Variants in TMEM26 observed in about 807,000 individuals in gnomAD.
TMEM26 encodes the protein transmembrane protein 26.
In TMEM26, 38 loss-of-function variants were observed where a neutral mutation model predicts 28.8. The ratio of observed to expected loss-of-function variants is 1.32; its 90% confidence interval spans 1.02 to 1.73. The LOEUF (loss-of-function observed/expected upper bound fraction) is 1.73. Among genes scored for constraint, TMEM26 ranks in the 40% most tolerant of loss-of-function variants. The pLI is 0.00. For synonymous variants in TMEM26, 227 were observed against 182.9 expected, an observed-to-expected ratio of 1.24 and a Z score of -1.95; for missense variants, 518 against 447.1, an observed-to-expected ratio of 1.16 and a Z score of -1.43.
rs1053934023 is a variant in TMEM26 at position 61,420,139 on chromosome 10, A to T, written c.606-6604T>A. 3.7e-3 allele frequency among the ~76,000 whole-genome samples: 567 copies of T among 152,326 alleles called. 3 individuals carry two copies. The highest frequency in any genetic ancestry group is 0.013 in the African/African-American group (543 of 41,584). ...AATTAACACATATTTTGTATGTTAT[A>T]TGTATTACACACTTTATTTTTATAA... On this transcript the variant is annotated intron_variant, in intron 4 of 5. Coordinates refer to ENST00000399298, the MANE Select transcript of TMEM26 (RefSeq NM_178505.8).
At position 61,436,197 on chromosome 10, in the gene TMEM26, C is replaced by A. The variant is rs775053970; in HGVS notation, c.243G>T (p.Trp81Cys). 4 of 1,609,054 alleles carry A rather than the reference C, an allele frequency of 2.5e-6. No individual in the cohort carries two copies. Among genetic ancestry groups the A allele is most frequent in the African/African-American group, 1.3e-5 (1 of 74,454 alleles). The change falls in exon 2 of 6, where the codon TGG becomes TGT. Residue 81 changes from tryptophan to cysteine, a missense_variant. Transcript: ENST00000399298. ...GGGTCTCATGGTGCAATTCAAGAAG[C>A]CATAATGATGGAACGATGCTAATCA... ...LYLISIVPSLWLLELHHETQY... is the reference protein window; with the variant it reads ...LYLISIVPSLCLLELHHETQY...
chr10:61,422,890 T>C (rs548598553), intron 4 of TMEM26, among the ~76,000 whole-genome samples: 2 of 152,220 alleles, frequency 1.3e-5, no homozygotes, highest in South Asian at 2.1e-4. Flanking sequence ...AGGCTGGCTA[T>C]GTCTAAATAT....
intron 2 of TMEM26, among the ~76,000 whole-genome samples, chr10:61,434,362 G>A (rs1344656917): frequency 1.3e-5 from 2 of 152,120 alleles, no homozygotes; most frequent in Admixed American, 1.3e-4. Flanking sequence ...GTTATTTGTT[G>A]TAACGGGATT....
chr10:61,423,091 A>G (rs1244114252), intron 4 of TMEM26, among the ~76,000 whole-genome samples: 3 of 152,202 alleles, frequency 2.0e-5, no homozygotes. Context: ...AAAAATCTAC[A>G]ACATAGATAA....
At chr10:61,412,165 G>T (rs1428376253) in intron 5 of TMEM26, among the ~76,000 whole-genome samples, 3 of 152,122 alleles carry the variant, frequency 2.0e-5, no homozygotes, top group Non-Finnish European at 4.4e-5. Flanking sequence ...AGTATCTAAT[G>T]TGATGGCACC....
intron 4 of TMEM26, among the ~76,000 whole-genome samples, chr10:61,428,708 T>C (rs1424395453): frequency 6.6e-6 from 1 of 152,132 alleles, no homozygotes; most frequent in Non-Finnish European, 1.5e-5. Context: ...ATTATGTGTC[T>C]CTTTCTCTAG....
At chr10:61,419,904 G>A (rs1839715318) in intron 4 of TMEM26, among the ~76,000 whole-genome samples, 1 of 152,090 alleles carries the variant, frequency 6.6e-6, no homozygotes, top group Non-Finnish European at 1.5e-5. Context: ...AAAGAGGAAA[G>A]AAAATCTTTA....
At chr10:61,441,923 A>G (rs948891714) in intron 1 of TMEM26, among the ~76,000 whole-genome samples, 2 of 151,992 alleles carry the variant, frequency 1.3e-5, no homozygotes, top group African/African-American at 4.8e-5. Flanking sequence ...TTTTGTTTTA[A>G]TTCCATAGCT....
intron 4 of TMEM26, among the ~76,000 whole-genome samples, chr10:61,418,888 C>G (rs949005953): frequency 2.0e-5 from 3 of 152,022 alleles, no homozygotes; most frequent in Non-Finnish European, 4.4e-5. Context: ...GAATCAAAAG[C>G]TAAGGCAGAC....
Position 61,410,588 on chromosome 10 carries a change from C to T in TMEM26, c.841G>A (p.Val281Met). 6.2e-7 allele frequency: 1 copy of T among 1,614,144 alleles called. No homozygotes were observed. The highest frequency in any genetic ancestry group is 8.5e-7 in the Non-Finnish European group (1 of 1,180,040). Residue 281 changes from valine (V) to methionine (M), a missense_variant, in exon 6 of 6, where the codon GTG becomes ATG. Val to Met is a conservative substitution (Grantham distance 21). Transcript: ENST00000399298. Reference sequence around the variant, plus strand: ...AAGAACACCAGCATCTGATTGATCACTTTGAAATAGGTCATCAGTATGAGA... The same window carrying T: ...AAGAACACCAGCATCTGATTGATCATTTTGAAATAGGTCATCAGTATGAGA... ...VRLILMTYFK[V>M]INQMLVFFAA...
intron 4 of TMEM26, among the ~76,000 whole-genome samples, chr10:61,424,043 T>C (rs1158110491): frequency 6.6e-6 from 1 of 152,182 alleles, no homozygotes. Flanking sequence ...GAGATTGAAA[T>C]GTCTACTCTT....
chr10:61,417,124 C>T lies in TMEM26; in HGVS notation c.606-3589G>A, dbSNP rs534141002. Among the ~76,000 whole-genome samples, 196 of 152,076 alleles carry T rather than the reference C, an allele frequency of 1.3e-3. 1 individual carries two copies. The highest frequency in any genetic ancestry group is 6.5e-4 in the Non-Finnish European group (44 of 67,894). On this transcript the variant is annotated intron_variant, in intron 4 of 5. Coordinates refer to ENST00000399298, the MANE Select transcript of TMEM26 (RefSeq NM_178505.8). ...AAATCATGGAGATTAATGGCAAACA[C>T]TCAAGATCTGTAAAGGAATTTTGGG...
At chr10:61,410,994 C>T (rs144250530) in intron 5 of TMEM26, among the ~76,000 whole-genome samples, 1 of 152,306 alleles carries the variant, frequency 6.6e-6, no homozygotes, top group African/African-American at 2.4e-5. Flanking sequence ...CTGGGCAAAG[C>T]ACAATTAAAT....
intron 4 of TMEM26, among the ~76,000 whole-genome samples, chr10:61,416,935 T>C (rs1350339124): frequency 6.6e-6 from 1 of 152,042 alleles, no homozygotes; most frequent in African/African-American, 2.4e-5. Flanking sequence ...ATATTATCTA[T>C]GCACACACAA....
At chr10:61,424,718 C>T (rs2135302468) in intron 4 of TMEM26, among the ~76,000 whole-genome samples, 1 of 152,162 alleles carries the variant, frequency 6.6e-6, no homozygotes, top group South Asian at 2.1e-4. Flanking sequence ...GGTATAATGA[C>T]AAACAAATAA....
intron 4 of TMEM26, among the ~76,000 whole-genome samples, chr10:61,426,642 A>C (rs1323307959): frequency 6.6e-6 from 1 of 152,130 alleles, no homozygotes; most frequent in East Asian, 1.9e-4. Flanking sequence ...TATCAGCCTA[A>C]ACTATGGAAT....
At chr10:61,437,419 C>T (rs938458486) in intron 1 of TMEM26, among the ~76,000 whole-genome samples, 16 of 152,108 alleles carry the variant, frequency 1.1e-4, no homozygotes, top group Non-Finnish European at 2.4e-4. Context: ...GTATTATTAT[C>T]GGACATGGTA....
chr10:61,413,649 TC>T, intron 4 of TMEM26, 114 bp from the exon 5 acceptor site: 1 of 1,342,304 alleles, frequency 7.4e-7, no homozygotes, highest in East Asian at 2.7e-5. Flanking sequence ...GGCCAAAATA[TC>T]TTGGTGATTT....
At position 61,431,341 on chromosome 10, in the gene TMEM26, G is replaced by C; in HGVS notation, c.271-9C>G. 1 of 1,610,322 alleles carries C rather than the reference G, an allele frequency of 6.2e-7. No individual in the cohort carries two copies. The highest frequency in any genetic ancestry group is 8.5e-7 in the Non-Finnish European group (1 of 1,176,950). On this transcript the variant is annotated splice_polypyrimidine_tract_variant and intron_variant, in intron 2 of 5. Transcript: ENST00000399298. ...GCCTGGATACTGCAATACTAAGAAT[G>C]GGGTCAGGGAAGGCAATTATGGCAA...
Sources: allele counts gnomAD v4.1 joint callset (sites outside exome capture counted in the v4.1 genomes callset), GRCh38; gene constraint gnomAD v4.1.1; transcripts MANE v1.5; gene names NCBI Gene and HGNC (gene_info 2026-07-23, HGNC 2026-07-21).